The following SLC25A26 variants were observed in gnomAD, a reference collection of about 807,000 sequenced individuals.
SLC25A26 encodes mitochondrial S-adenosylmethionine carrier protein.
In SLC25A26, 36 loss-of-function variants were observed where a neutral mutation model predicts 37.8. That is an observed-to-expected ratio of 0.95 (90% CI 0.73 to 1.26). The LOEUF (loss-of-function observed/expected upper bound fraction) is 1.26, where lower values mean the gene tolerates loss of function less well. Among genes scored for constraint, SLC25A26 ranks in the 50% most tolerant of loss-of-function variants. The pLI is 0.00. For missense variants in SLC25A26, 390 were observed against 331.1 expected (o/e 1.18, Z -1.38); for synonymous variants, 129 against 122.5 (o/e 1.05, Z -0.35).
chr3:66,304,600 A>T (rs2107573968), intron 5 of SLC25A26: 1 of 359,130 alleles, frequency 2.8e-6, no homozygotes, highest in South Asian at 2.1e-5. Context: ...TACATGGTTC[A>T]CTGGTGCTTT....
chr3:66,143,211 T>C (rs2070062602), intron 1 of SLC25A26, among the ~76,000 whole-genome samples: 1 of 152,160 alleles, frequency 6.6e-6, no homozygotes, highest in Non-Finnish European at 1.5e-5. Flanking sequence ...TGTATGAACA[T>C]AACACAATTT....
intron 1 of SLC25A26, among the ~76,000 whole-genome samples, chr3:66,195,118 C>A (rs2071023100): frequency 6.6e-6 from 1 of 152,300 alleles, no homozygotes; most frequent in South Asian, 2.1e-4. Flanking sequence ...CATAAGTCAC[C>A]TTCCCACTGC....
chr3:66,186,166 C>A (rs978971232), intron 1 of SLC25A26, among the ~76,000 whole-genome samples: 2 of 151,918 alleles, frequency 1.3e-5, no homozygotes, highest in South Asian at 4.2e-4. Context: ...AACCTAAACC[C>A]GCGTGATATT....
chr3:66,220,999 AC>A (rs2071458890), upstream of SLC25A26: 2 of 1,353,022 alleles, frequency 1.5e-6, no homozygotes, highest in Non-Finnish European at 2.0e-6. Flanking sequence ...GAAGTTCAAG[AC>A]AGACCCGCCT....
At chr3:66,280,514 C>G (rs2074300749) in intron 5 of SLC25A26, among the ~76,000 whole-genome samples, 1 of 152,140 alleles carries the variant, frequency 6.6e-6, no homozygotes, top group Non-Finnish European at 1.5e-5. Context: ...GTAACTTGAT[C>G]TACATAAAGC....
intron 1 of SLC25A26, among the ~76,000 whole-genome samples, chr3:66,225,195 T>C (rs1559588784): frequency 6.6e-6 from 1 of 152,150 alleles, no homozygotes; most frequent in Non-Finnish European, 1.5e-5. Context: ...ACTGCCCCAG[T>C]AGAGGTTCTC....
chr3:66,139,536 G>A (rs976183026), intron 1 of SLC25A26, among the ~76,000 whole-genome samples: 3 of 152,066 alleles, frequency 2.0e-5, no homozygotes, highest in African/African-American at 4.8e-5. Context: ...TTTCTTTCGC[G>A]GTCATTAGAG....
chr3:66,214,650 T>C (rs2071334137), intron 1 of SLC25A26, among the ~76,000 whole-genome samples: 1 of 152,228 alleles, frequency 6.6e-6, no homozygotes, highest in Non-Finnish European at 1.5e-5. Flanking sequence ...TTTTTTCTAT[T>C]GGTATTAGTG....
chr3:66,171,093 G>A (rs1337535178), intron 1 of SLC25A26, among the ~76,000 whole-genome samples: 2 of 152,032 alleles, frequency 1.3e-5, no homozygotes, highest in African/African-American at 4.8e-5. Context: ...GTGAGCCACC[G>A]CGCCCGGCCG....
intron 3 of SLC25A26, among the ~76,000 whole-genome samples, chr3:66,253,343 G>A (rs1368038173): frequency 6.6e-6 from 1 of 151,356 alleles, no homozygotes; most frequent in African/African-American, 2.4e-5. Flanking sequence ...CTTGGGAGGT[G>A]GAGCTTGCAG....
At chr3:66,176,971 G>C (rs139097238) in intron 1 of SLC25A26, among the ~76,000 whole-genome samples, 13,216 of 152,188 alleles carry the variant, frequency 0.087, 731 homozygotes, top group Middle Eastern at 0.19. Context: ...AACCTTCGTA[G>C]GTCTTTTTCT....
chr3:66,219,519 T>C (rs1053892660), upstream of SLC25A26, among the ~76,000 whole-genome samples: 1 of 152,206 alleles, frequency 6.6e-6, no homozygotes, highest in Non-Finnish European at 1.5e-5. Flanking sequence ...TCTGCTGGCA[T>C]TGACAAAGTG....
chr3:66,218,185 TG>T (rs2071390565), upstream of SLC25A26, among the ~76,000 whole-genome samples: 1 of 152,218 alleles, frequency 6.6e-6, no homozygotes, highest in African/African-American at 2.4e-5. Flanking sequence ...GTCCGTTTAT[TG>T]TTGAGTGATG....
intron 5 of SLC25A26, among the ~76,000 whole-genome samples, chr3:66,329,766 T>C (rs2075926347): frequency 6.6e-6 from 1 of 152,172 alleles, no homozygotes; most frequent in Non-Finnish European, 1.5e-5. Context: ...AGAGCCTTGC[T>C]CCATCACTGT....
At chr3:66,339,272 T>G (rs1188120665) in intron 5 of SLC25A26, among the ~76,000 whole-genome samples, 2 of 152,194 alleles carry the variant, frequency 1.3e-5, no homozygotes, top group African/African-American at 4.8e-5. Context: ...AATCAAGCTT[T>G]CTTTTTATTG....
At chr3:66,209,806 A>G (rs1447632479) in intron 1 of SLC25A26, among the ~76,000 whole-genome samples, 3 of 129,202 alleles carry the variant, frequency 2.3e-5, no homozygotes, top group Admixed American at 8.3e-5. Context: ...CACCTATATA[A>G]AGGTGTATCT....
chr3:66,210,712 C>T (rs2106836223), intron 1 of SLC25A26, among the ~76,000 whole-genome samples: 1 of 152,214 alleles, frequency 6.6e-6, no homozygotes, highest in South Asian at 2.1e-4. Flanking sequence ...TGGGCTTTTG[C>T]CATGTTTCCC....
Position 66,378,749 on chromosome 3 carries a change from T to G in SLC25A26, c.*942T>G, listed in dbSNP as rs984525041. ...TTTTTTCTTTTTTGGGGGAAGATAA[T>G]TAAAGGCAGAATGACTGCGTTTGTA... On this transcript the variant is annotated 3_prime_UTR_variant, in exon 10 of 10. Transcript: ENST00000354883. The G allele has an allele frequency of 6.6e-6, 1 of 152,474 alleles. No individual in the cohort carries two copies. The highest frequency in any genetic ancestry group is 1.5e-5 in the Non-Finnish European group (1 of 67,984). The allele number at this position is 152,474 out of a possible 1,614,324, so 9.4% of individuals were successfully genotyped here.
At chr3:66,224,741 C>T (rs781970834) in intron 1 of SLC25A26, among the ~76,000 whole-genome samples, 4 of 152,334 alleles carry the variant, frequency 2.6e-5, no homozygotes, top group Admixed American at 1.3e-4. Context: ...AAGCAAGTCC[C>T]TTCTGCCTAT....
Sources: allele counts gnomAD v4.1 joint callset (sites outside exome capture counted in the v4.1 genomes callset), GRCh38; gene constraint gnomAD v4.1.1; transcripts MANE v1.5; gene names NCBI Gene and HGNC (gene_info 2026-07-23, HGNC 2026-07-21).